Variants in TULP1 observed in about 807,000 individuals in gnomAD.
TULP1 encodes tubby-related protein 1.
Under a neutral mutation model 67.1 loss-of-function variants are expected in TULP1, and 50 were observed. That is an observed-to-expected ratio of 0.75 (90% CI 0.59 to 0.94). The LOEUF (loss-of-function observed/expected upper bound fraction) is 0.94. TULP1 is among the 40% of genes least tolerant of loss of function. TULP1 has a pLI of 0.00. For synonymous variants in TULP1, 297 were observed against 294.0 expected (o/e 1.01, Z -0.11); for missense variants, 746 against 734.1 (o/e 1.02, Z -0.19).
In TULP1 at chr6:35,505,462, T is replaced by C; in HGVS notation, c.1112+279A>G. The stretch of plus-strand genomic sequence containing the variant: ...GGCACAGTGCCTGCCCTCGTGGAAC[T>C]TATGCCCTGCTCCAAGTGAGGCCCT... On this transcript the variant is annotated intron_variant, in intron 11 of 14. Coordinates refer to ENST00000229771, the MANE Select transcript of TULP1 (RefSeq NM_003322.6). The C allele has an allele frequency of 2.6e-5, 20 of 766,310 alleles. No homozygotes were observed. In the South Asian group the frequency reaches 2.9e-4, roughly 11 times the overall value. 47.5% of individuals were successfully genotyped at this position (766,310 alleles called of 1,614,324 possible).
Position 35,509,256 on chromosome 6 carries a change from T to G in TULP1, c.775A>C (p.Ile259Leu), listed in dbSNP as rs199572627. 6.2e-7 allele frequency: 1 copy of G among 1,614,028 alleles called. No homozygotes were observed. Among genetic ancestry groups the G allele is most frequent in the African/African-American group, 1.3e-5 (1 of 75,000 alleles). ...TTGCCCTTTTGATTGCTCTTCTTTATCACCGTAGCTGCCTCCTCCTCCTCT... is the reference window on the plus strand; with the variant it reads ...TTGCCCTTTTGATTGCTCTTCTTTAGCACCGTAGCTGCCTCCTCCTCCTCT... ...EEEEEEAATVIKKSNQKGKAK... is the reference protein window; with the variant it reads ...EEEEEEAATVLKKSNQKGKAK... The change falls in exon 8 of 15, where the codon ATA becomes CTA. Residue 259 changes from isoleucine to leucine, a missense_variant. Around this residue, in one of 3 missense-constraint regions of TULP1, gnomAD observed 4 missense variants for 18.1 expected, o/e 0.22. Transcript: ENST00000229771.
Position 35,512,172 on chromosome 6 carries a change from C to T in TULP1, c.190+8G>A. ...TGGGGGTCCACCCGGGCTCTGCACC[C>T]CGCCCACCTCCGGGCTTCCGGGGCT... On this transcript the variant is annotated splice_region_variant and intron_variant, in intron 3 of 14. Transcript: ENST00000229771. The T allele has an allele frequency of 7.4e-7, 1 of 1,348,852 alleles. No individual in the cohort carries two copies. The allele number at this position is 1,348,852 out of a possible 1,614,324, so 83.6% of individuals were successfully genotyped here. A position where few individuals can be genotyped will look rare whatever the true frequency, so the allele number is the denominator to read the frequency against.
rs921952417 is a variant in TULP1 at position 35,498,451 on chromosome 6, A to T, written c.1505T>A (p.Ile502Asn). 7.4e-6 allele frequency: 12 copies of T among 1,613,750 alleles called. No individual in the cohort carries two copies. The highest frequency in any genetic ancestry group is 9.3e-6 in the Non-Finnish European group (11 of 1,180,036). ...CGCCACGCGGCCGAACTGCAGCACG[A>T]TATAGTCGGCTATGGACACAAGACG... is the stretch of plus-strand genomic sequence containing the variant. The part of the protein sequence containing the change: ...QIVHADDPDY[I>N]VLQFGRVAED... The change falls in exon 15 of 15, where the codon ATC becomes AAC. Residue 502 changes from isoleucine to asparagine, a missense_variant. This residue lies in a region of TULP1 where 383 missense variants were observed against 374.1 expected (regional missense o/e 1.02). Coordinates refer to ENST00000229771, the MANE Select transcript of TULP1 (RefSeq NM_003322.6). This position sits in a 1 kb window ranked among gnomAD's most constrained non-coding sequence, Gnocchi z 6.7.
At chr6:35,506,333 G>A (rs1761088149) in intron 8 of TULP1, 54 bp from the exon 9 acceptor site, 3 of 1,548,682 alleles carry the variant, frequency 1.9e-6, no homozygotes, top group African/African-American at 2.7e-5. Flanking sequence ...CATCCCTGGA[G>A]GCGGGGAAGC....
intron 8 of TULP1, among the ~76,000 whole-genome samples, chr6:35,508,022 C>T (rs1405582725): frequency 6.6e-6 from 1 of 152,126 alleles, no homozygotes; most frequent in African/African-American, 2.4e-5. Context: ...ACCATCTCTA[C>T]TATTCGCCAG....
chr6:35,510,997 T>TTCC lies in TULP1; in HGVS notation c.360_362dup (p.Glu123dup), dbSNP rs909885430. The TTCC allele has an allele frequency of 6.2e-7, 1 of 1,603,734 alleles. No homozygotes were observed. The highest frequency in any genetic ancestry group is 8.5e-7 in the Non-Finnish European group (1 of 1,177,126). On this transcript the variant is annotated inframe_insertion, in exon 5 of 15. Transcript: ENST00000229771. ...CTTCCTCGTCCTCCTCGTCCTCCTC[T>TTCC]TCCTCCTCCTCCTCTGCAGGTAGAA...
At chr6:35,505,902 G>C in intron 10 of TULP1, 49 bp from the exon 11 acceptor site, 1 of 1,614,178 alleles carries the variant, frequency 6.2e-7, no homozygotes, top group African/African-American at 1.3e-5. Context: ...AAGGTGGGAA[G>C]GGGTGGAGGT....
Position 35,509,722 on chromosome 6 carries a change from T to C in TULP1, c.630A>G (p.Ser210=), listed in dbSNP as rs143093240. The C allele has an allele frequency of 3.4e-4, 549 of 1,614,088 alleles. No individual in the cohort carries two copies. Among genetic ancestry groups the C allele is most frequent in the Non-Finnish European group, 4.4e-4 (521 of 1,180,010 alleles). ...TCTTCCTCGCACTGGCTGGGCTCCC[T>C]GAGGGGTCCTTGTCGGCCTCCCCAG... The part of the protein sequence containing the change: ...KGSGEADKDP[S]GSPASARKSP... Residue 210 remains serine (S), a synonymous_variant, in exon 7 of 15, where the codon TCA becomes TCG. Coordinates refer to ENST00000229771, the MANE Select transcript of TULP1 (RefSeq NM_003322.6).
At chr6:35,508,716 A>G (rs574264779) in intron 8 of TULP1, among the ~76,000 whole-genome samples, 1 of 152,302 alleles carries the variant, frequency 6.6e-6, no homozygotes, top group East Asian at 1.9e-4. Context: ...GAGGCTCCTG[A>G]TGGGCAGTAT....
chr6:35,509,351 C>A (rs1340231564), intron 7 of TULP1, 39 bp from the exon 8 acceptor site: 3 of 1,593,776 alleles, frequency 1.9e-6, no homozygotes, highest in East Asian at 2.2e-5. Context: ...GAACTCCTCA[C>A]CCTGGTTTGC....
chr6:35,509,659 A>G lies in TULP1; in HGVS notation c.693T>C (p.Pro231=), dbSNP rs1178709024. 1 of 1,613,902 alleles carries G rather than the reference A, an allele frequency of 6.2e-7. No homozygotes were observed. The highest frequency in any genetic ancestry group is 1.7e-5 in the Admixed American group (1 of 59,964). ...CTTTCTTCTTCAGGGCTTTCTTGTCAGGACTGCCTTCCCCAACCAGAAACA... is the reference window on the plus strand; with the variant it reads ...CTTTCTTCTTCAGGGCTTTCTTGTCGGGACTGCCTTCCCCAACCAGAAACA... The part of the protein sequence containing the change: ...AAMFLVGEGS[P]DKKALKKKGT... Residue 231 remains proline, a synonymous_variant, in exon 7 of 15, where the codon CCT becomes CCC. Coordinates refer to ENST00000229771, the MANE Select transcript of TULP1 (RefSeq NM_003322.6).
At chr6:35,510,109 A>G (rs571928677) in intron 5 of TULP1, among the ~76,000 whole-genome samples, 181 bp from the exon 6 acceptor site, 53 of 151,566 alleles carry the variant, frequency 3.5e-4, no homozygotes, top group African/African-American at 1.2e-3. Flanking sequence ...GCTGGAATGC[A>G]GTGGCAGGAT....
At position 35,503,829 on chromosome 6, in the gene TULP1, G is replaced by A. The variant is rs749599096; in HGVS notation, c.1132C>T (p.Arg378Cys). 11 of 1,610,444 alleles carry A rather than the reference G, an allele frequency of 6.8e-6. No homozygotes were observed. The highest frequency in any genetic ancestry group is 2.7e-5 in the African/African-American group (2 of 74,872). Reference protein sequence around the residue: ...GKLRSNLLGNRFTVFDNGQNP... With the variant: ...GKLRSNLLGNCFTVFDNGQNP... ...TGCCCGTTGTCAAAGACCGTGAAGC[G>A]GTTCCCCAGGAGGTTGGACCTGCAA... is the stretch of plus-strand genomic sequence containing the variant. The change falls in exon 12 of 15, where the codon CGC becomes TGC. Residue 378 changes from arginine to cysteine, a missense_variant. Arg to Cys is a radical substitution (Grantham distance 180, BLOSUM62 -3). Coordinates refer to ENST00000229771, the MANE Select transcript of TULP1 (RefSeq NM_003322.6). This position sits in a 1 kb window ranked among gnomAD's most constrained non-coding sequence, Gnocchi z 4.0.
chr6:35,505,719 G>T (rs1393392224), intron 11 of TULP1, 22 bp downstream of exon 11: 1 of 1,613,512 alleles, frequency 6.2e-7, no homozygotes, highest in Admixed American at 1.7e-5. Context: ...AGTCCCCCCA[G>T]CCCCAGGAAG....
chr6:35,509,381 T>C, intron 7 of TULP1, 69 bp from the exon 8 acceptor site: 1 of 1,416,286 alleles, frequency 7.1e-7, no homozygotes, highest in Non-Finnish European at 1.0e-6. Context: ...CCAACACCCA[T>C]GTCTCACTTG....
At position 35,512,806 on chromosome 6, in the gene TULP1, C is replaced by T. The variant is rs1052786505; in HGVS notation, c.47+6G>A. On this transcript the variant is annotated splice_donor_region_variant and intron_variant, in intron 1 of 14. Transcript: ENST00000229771. ...TCAGGTGCCACGAACTGGGGGCCTT[C>T]CAGACCTGTCAGAGGCCCACACCTC... 1.3e-6 allele frequency: 2 copies of T among 1,569,602 alleles called. No homozygotes were observed. The highest frequency in any genetic ancestry group is 2.7e-5 in the African/African-American group (2 of 73,720).
At chr6:35,510,399 T>A (rs76048851) in intron 5 of TULP1, among the ~76,000 whole-genome samples, 2,357 of 152,268 alleles carry the variant, frequency 0.015, 37 homozygotes, top group South Asian at 0.044. Context: ...TGGTCACCAC[T>A]ACAGAGTGTG....
Position 35,503,589 on chromosome 6 carries a change from C to T in TULP1, c.1293G>A (p.Glu431=). ...GGGGCCGGATGGGGACCCTCTCGTTCTCCGCACTCATGCCAGGAATGATGA... is the reference window on the plus strand; with the variant it reads ...GGGGCCGGATGGGGACCCTCTCGTTTTCCGCACTCATGCCAGGAATGATGA... The part of the protein sequence containing the change: ...MTVIIPGMSA[E]NERVPIRPRN... The change falls in exon 13 of 15, where the codon GAG becomes GAA. Residue 431 remains glutamate, a synonymous_variant. Transcript: ENST00000229771. This position sits in a 1 kb window ranked among gnomAD's most constrained non-coding sequence, Gnocchi z 4.0. 1 of 1,589,276 alleles carries T rather than the reference C, an allele frequency of 6.3e-7. No homozygotes were observed. The highest frequency in any genetic ancestry group is 8.6e-7 in the Non-Finnish European group (1 of 1,167,930).
chr6:35,498,546 T>A lies in TULP1; in HGVS notation c.1496-86A>T. On this transcript the variant is annotated intron_variant, in intron 14 of 14. Coordinates refer to ENST00000229771, the MANE Select transcript of TULP1 (RefSeq NM_003322.6). The surrounding 1 kb of genome is among the most constrained non-coding windows in gnomAD (Gnocchi z 6.7). ...ACAGTGCCCTCAACCTTGGGGGCAG[T>A]CTGTCCCTTGCCTTGGGGCTCCAAC... The A allele has an allele frequency of 3.1e-6, 5 of 1,591,328 alleles. No homozygotes were observed. The highest frequency in any genetic ancestry group is 4.3e-6 in the Non-Finnish European group (5 of 1,168,836).
Sources: allele counts gnomAD v4.1 joint callset (sites outside exome capture counted in the v4.1 genomes callset), GRCh38; gene constraint gnomAD v4.1.1; regional missense constraint gnomAD v4.1.1; non-coding constraint Gnocchi (gnomAD v3.1); transcripts MANE v1.5; gene names NCBI Gene and HGNC (gene_info 2026-07-23, HGNC 2026-07-21).